Variants in C12orf42 observed in about 807,000 individuals in gnomAD.
The protein encoded by C12orf42 is uncharacterized protein C12orf42.
In C12orf42, 25 loss-of-function variants were observed where a neutral mutation model predicts 21.6. The observed-to-expected ratio is 1.16, with a 90% CI of 0.84 to 1.62. The LOEUF (loss-of-function observed/expected upper bound fraction) is 1.62, where lower values mean the gene tolerates loss of function less well. C12orf42 is among the 40% of genes most tolerant of loss of function. C12orf42 has a pLI of 0.00. For synonymous variants in C12orf42, 174 were observed against 175.0 expected (o/e 0.99, Z 0.05); for missense variants, 483 against 459.3 (o/e 1.05, Z -0.47).
At chr12:103,467,072 T>C (rs1467424137) in intron 2 of C12orf42, among the ~76,000 whole-genome samples, 1 of 152,198 alleles carries the variant, frequency 6.6e-6, no homozygotes, top group Non-Finnish European at 1.5e-5. Flanking sequence ...CCAAAGTAGC[T>C]GAACCTCTCA....
At chr12:103,164,349 C>G in the C12orf42 span, 1 of 453,886 alleles carries the variant, frequency 2.2e-6, no homozygotes, top group Middle Eastern at 3.4e-4. Context: ...TCTCCTATCC[C>G]CTTTCATAGA....
the C12orf42 span, among the ~76,000 whole-genome samples, chr12:103,187,864 T>G: frequency 6.6e-6 from 1 of 152,198 alleles, no homozygotes; most frequent in Middle Eastern, 3.2e-3. Context: ...CATTTATTTG[T>G]GTGTGCCTTG....
chr12:103,546,422 A>G, the C12orf42 span, among the ~76,000 whole-genome samples: 15 of 152,158 alleles, frequency 9.9e-5, no homozygotes, highest in Non-Finnish European at 1.8e-4. Context: ...TTTTTTAATT[A>G]TCACTCCTTT....
the C12orf42 span, among the ~76,000 whole-genome samples, chr12:103,051,354 C>T: frequency 3.9e-5 from 6 of 152,082 alleles, no homozygotes; most frequent in African/African-American, 1.4e-4. Context: ...GTATATAAGC[C>T]TTAAGAGGAT....
rs71097979 is a variant in C12orf42 at position 103,462,096 on chromosome 12, GTTTTTTTTTTTT to G, written c.78+16241_78+16252del. On this transcript the variant is annotated intron_variant, in intron 2 of 5. Coordinates refer to ENST00000548883, the MANE Select transcript of C12orf42 (RefSeq NM_198521.5). ...CCATTTTTGTTTTGTTTTTTGCTTGGTTTTTTTTTTTTTTTTTTTTTTTTTTTTGAGACAGAG... is the reference window on the plus strand; with the variant it reads ...CCATTTTTGTTTTGTTTTTTGCTTGGTTTTTTTTTTTTTTTTGAGACAGAG... 3.6e-4 allele frequency among the ~76,000 whole-genome samples: 10 copies of G among 27,732 alleles called. 1 individual carries two copies. The highest frequency in any genetic ancestry group is 7.4e-4 in the Admixed American group (1 of 1,358). 18.2% of individuals were successfully genotyped at this position (27,732 alleles called of 152,430 possible).
chr12:103,302,249 C>T lies in C12orf42; in HGVS notation c.942G>A (p.Leu314=), dbSNP rs1320922299. The change falls in exon 6 of 6, where the codon CTG becomes CTA. Residue 314 remains leucine, a synonymous_variant. Coordinates refer to ENST00000548883, the MANE Select transcript of C12orf42 (RefSeq NM_198521.5). ...GGAAATGGGTGGAAGCACCGGCCAG[C>T]AGAGGAAGGGGCGCTCCTGCCAGAT... The part of the protein sequence containing the change: ...HGNLAGAPLP[L]LAGASTHFPS... The T allele has an allele frequency of 6.2e-7, 1 of 1,611,730 alleles. No homozygotes were observed. Among genetic ancestry groups the T allele is most frequent in the East Asian group, 2.2e-5 (1 of 44,852 alleles).
the C12orf42 span, among the ~76,000 whole-genome samples, chr12:103,178,850 G>T: frequency 6.6e-6 from 1 of 152,202 alleles, no homozygotes; most frequent in Non-Finnish European, 1.5e-5. Flanking sequence ...ACAAAGAGTG[G>T]TCAGTAACTT....
At chr12:103,488,469 C>T (rs879729051) in intron 1 of C12orf42, among the ~76,000 whole-genome samples, 3 of 152,064 alleles carry the variant, frequency 2.0e-5, no homozygotes, top group Non-Finnish European at 4.4e-5. Context: ...GTGGTGTTCT[C>T]TGTATTTCCT....
intron 2 of C12orf42, among the ~76,000 whole-genome samples, chr12:103,420,725 T>G (rs2049813528): frequency 6.6e-6 from 1 of 152,186 alleles, no homozygotes; most frequent in South Asian, 2.1e-4. Flanking sequence ...TTCACTATGT[T>G]GGCCAGACTG....
chr12:103,489,331 C>T (rs190399567), intron 1 of C12orf42, among the ~76,000 whole-genome samples: 1 of 152,278 alleles, frequency 6.6e-6, no homozygotes, highest in East Asian at 1.9e-4. Flanking sequence ...AGCTTTATCC[C>T]AGAGGGGCAC....
intron 2 of C12orf42, among the ~76,000 whole-genome samples, chr12:103,475,998 T>C (rs967115729): frequency 6.6e-6 from 1 of 152,166 alleles, no homozygotes; most frequent in Non-Finnish European, 1.5e-5. Context: ...CATATTCAAG[T>C]ACAAGATGTA....
Position 103,429,906 on chromosome 12 carries a change from C to A in C12orf42, c.79-28231G>T, listed in dbSNP as rs190076683. 3.5e-3 allele frequency among the ~76,000 whole-genome samples: 539 copies of A among 152,068 alleles called. 6 individuals are homozygous for A. Among genetic ancestry groups the A allele is most frequent in the African/African-American group, 0.012 (504 of 41,504 alleles). On this transcript the variant is annotated intron_variant, in intron 2 of 5. Coordinates refer to ENST00000548883, the MANE Select transcript of C12orf42 (RefSeq NM_198521.5). ...ATTTAATAAATGGTGTTGGGAAAAC[C>A]AGCTAGCCATATGCAGAAAACTGAA... is the stretch of plus-strand genomic sequence containing the variant.
At chr12:103,233,229 TGTA>T (rs1415287183), downstream of C12orf42, among the ~76,000 whole-genome samples, 1 of 152,230 alleles carries the variant, frequency 6.6e-6, no homozygotes, top group Admixed American at 6.5e-5. Flanking sequence ...TTTGTAGATT[TGTA>T]GTAAGTCTTG....
At chr12:103,341,415 A>G (rs2042162800) in intron 4 of C12orf42, among the ~76,000 whole-genome samples, 1 of 152,146 alleles carries the variant, frequency 6.6e-6, no homozygotes, top group Non-Finnish European at 1.5e-5. Context: ...TACATGCACA[A>G]TTGGAGGTCA....
intron 2 of C12orf42, among the ~76,000 whole-genome samples, chr12:103,403,214 A>C (rs2138732021): frequency 6.6e-6 from 1 of 152,138 alleles, no homozygotes; most frequent in Non-Finnish European, 1.5e-5. Context: ...TCTCTACTAA[A>C]AATACAAAAA....
At chr12:103,425,884 G>A (rs1178011324) in intron 2 of C12orf42, among the ~76,000 whole-genome samples, 1 of 152,036 alleles carries the variant, frequency 6.6e-6, no homozygotes, top group Non-Finnish European at 1.5e-5. Flanking sequence ...CTACTTCCCA[G>A]TGGCTTTGTT....
chr12:103,461,857 TA>T (rs1260744326), intron 2 of C12orf42, among the ~76,000 whole-genome samples: 1 of 152,136 alleles, frequency 6.6e-6, no homozygotes, highest in Non-Finnish European at 1.5e-5. Flanking sequence ...AGGGTTATCT[TA>T]AGGATCTGAA....
At chr12:103,146,784 A>C in the C12orf42 span, among the ~76,000 whole-genome samples, 1 of 152,192 alleles carries the variant, frequency 6.6e-6, no homozygotes, top group Admixed American at 6.6e-5. Context: ...CTTTTTTCAC[A>C]ATATGAGGCT....
At chr12:103,436,678 G>A (rs1380038410) in intron 2 of C12orf42, among the ~76,000 whole-genome samples, 1 of 151,952 alleles carries the variant, frequency 6.6e-6, no homozygotes, top group African/African-American at 2.4e-5. Context: ...ATGGTAAAGG[G>A]ATCAATTTAA....
Sources: allele counts gnomAD v4.1 joint callset (sites outside exome capture counted in the v4.1 genomes callset), GRCh38; gene constraint gnomAD v4.1.1; transcripts MANE v1.5; gene names NCBI Gene and HGNC (gene_info 2026-07-23, HGNC 2026-07-21).